The following MYOM1 variants were observed in gnomAD, a reference collection of about 807,000 sequenced individuals.
MYOM1 encodes myomesin 1.
A neutral mutation model predicts 205.3 loss-of-function variants in MYOM1; 164 were observed. The observed-to-expected ratio is 0.80, with a 90% CI of 0.70 to 0.91. MYOM1 has a LOEUF of 0.91. Among genes scored for constraint, MYOM1 ranks in the 40% least tolerant of loss-of-function variants. MYOM1 has a pLI of 0.00. For missense variants in MYOM1, 2,011 were observed against 2,127.3 expected (o/e 0.95, Z 1.08); for synonymous variants, 772 against 789.4 (o/e 0.98, Z 0.37).
intron 27 of MYOM1, among the ~76,000 whole-genome samples, 187 bp downstream of exon 27, chr18:3,090,471 C>T (rs1006167219): frequency 2.0e-5 from 3 of 152,086 alleles, no homozygotes; most frequent in African/African-American, 4.8e-5. Context: ...CCACCCGCCT[C>T]GGCCTCTCAA....
At chr18:3,138,845 GA>G (rs1461595365) in intron 14 of MYOM1, among the ~76,000 whole-genome samples, 1 of 152,212 alleles carries the variant, frequency 6.6e-6, no homozygotes, top group Non-Finnish European at 1.5e-5. Context: ...TGGGAAGATT[GA>G]AAGGTGGCCC....
chr18:3,223,933 TGGAGAGTG>T (rs2081341827), upstream of MYOM1, among the ~76,000 whole-genome samples: 2 of 152,092 alleles, frequency 1.3e-5, no homozygotes, highest in African/African-American at 4.8e-5. Flanking sequence ...TGCGAGTGGC[TGGAGAGTG>T]GGGCCTAGGA....
intron 10 of MYOM1, among the ~76,000 whole-genome samples, chr18:3,156,045 G>A (rs961381422): frequency 7.9e-5 from 12 of 152,168 alleles, no homozygotes; most frequent in Non-Finnish European, 1.5e-4. Flanking sequence ...CTGACCACAC[G>A]GCCCCTCAGG....
intron 10 of MYOM1, among the ~76,000 whole-genome samples, chr18:3,163,928 C>T (rs1260402284): frequency 6.6e-6 from 1 of 151,908 alleles, no homozygotes; most frequent in Non-Finnish European, 1.5e-5. Context: ...TCACAGCTCA[C>T]TGCAGCCTTG....
At chr18:3,213,158 T>G (rs1013278210) in intron 2 of MYOM1, among the ~76,000 whole-genome samples, 1 of 152,242 alleles carries the variant, frequency 6.6e-6, no homozygotes, top group African/African-American at 2.4e-5. Flanking sequence ...TTTCTGCCTT[T>G]GGAAGCATGC....
rs373705801 is a variant in MYOM1, at chr18:3,100,365, T to C, written c.3637A>G (p.Thr1213Ala). ...DDLGIYSCDV[T>A]DTDGIASSYL... ...CTTGATGCTATTCCATCAGTGTCTG[T>C]TACATCGCAAGAGTAAATACCCAAG... Residue 1213 changes from threonine to alanine, a missense_variant, in exon 24 of 38, where the codon ACA becomes GCA. Physicochemically the swap from Thr to Ala is moderately conservative, Grantham distance 58 (BLOSUM62 0). Transcript: ENST00000356443. 2.5e-6 allele frequency: 4 copies of C among 1,614,022 alleles called. No homozygotes were observed. The highest frequency in any genetic ancestry group is 3.4e-6 in the Non-Finnish European group (4 of 1,179,872).
chr18:3,237,989 G>A, the MYOM1 span, among the ~76,000 whole-genome samples: 5 of 152,104 alleles, frequency 3.3e-5, no homozygotes, highest in Non-Finnish European at 5.9e-5. Flanking sequence ...CAGGGGTGGC[G>A]GTCGGGGGGC....
Position 3,219,692 on chromosome 18 carries a change from C to G in MYOM1, c.-29+111G>C, listed in dbSNP as rs2081309485. 1 of 152,232 alleles carries G rather than the reference C, an allele frequency of 6.6e-6. No homozygotes were observed. Among genetic ancestry groups the G allele is most frequent in the African/African-American group, 2.4e-5 (1 of 41,446 alleles). 9.4% of individuals were successfully genotyped at this position (152,232 alleles called of 1,614,324 possible). On this transcript the variant is annotated intron_variant, in intron 1 of 37. Transcript: ENST00000356443. This position sits in a 1 kb window ranked among gnomAD's most constrained non-coding sequence, Gnocchi z 4.4. ...TCCTATTTCTCTGTTATTCTGACATCTCTTTGAGAAAACTGCTGAGTTCAG... is the reference window on the plus strand; with the variant it reads ...TCCTATTTCTCTGTTATTCTGACATGTCTTTGAGAAAACTGCTGAGTTCAG...
chr18:3,085,802 T>A (rs1036464144), intron 30 of MYOM1, among the ~76,000 whole-genome samples: 2 of 152,192 alleles, frequency 1.3e-5, no homozygotes, highest in African/African-American at 2.4e-5. Context: ...TGCCCATATA[T>A]GGATAAAAGC....
chr18:3,223,011 T>G (rs1200181840), upstream of MYOM1, among the ~76,000 whole-genome samples: 1 of 151,972 alleles, frequency 6.6e-6, no homozygotes, highest in African/African-American at 2.4e-5. Flanking sequence ...GCCTCCCGAG[T>G]AGGTGGGACT....
intron 20 of MYOM1, 81 bp from the exon 21 acceptor site, chr18:3,116,596 T>A: frequency 8.0e-7 from 1 of 1,251,414 alleles, no homozygotes; most frequent in South Asian, 1.8e-5. Flanking sequence ...TTGTAAGTCT[T>A]CAAGCTAATC....
intron 5 of MYOM1, among the ~76,000 whole-genome samples, chr18:3,178,466 G>C (rs1248197804): frequency 1.3e-5 from 2 of 152,178 alleles, no homozygotes; most frequent in African/African-American, 4.8e-5. Flanking sequence ...CAGACTTGTG[G>C]ACACGATCAT....
chr18:3,199,553 G>A lies in MYOM1; in HGVS notation c.291-5595C>T, dbSNP rs541424952. Among the ~76,000 whole-genome samples the A allele has an allele frequency of 8.1e-4, 124 of 152,274 alleles. 1 individual carries two copies. Among genetic ancestry groups the A allele is most frequent in the South Asian group, 4.8e-3 (23 of 4,826 alleles). The stretch of plus-strand genomic sequence containing the variant: ...AACCAGATTTACGTAAAAATTACCT[G>A]CACACCGGCTGGGCACGGTGGCTCA... On this transcript the variant is annotated intron_variant, in intron 2 of 37. Coordinates refer to ENST00000356443, the MANE Select transcript of MYOM1 (RefSeq NM_003803.4).
chr18:3,168,263 A>G (rs2080501143), intron 9 of MYOM1, among the ~76,000 whole-genome samples: 1 of 151,370 alleles, frequency 6.6e-6, no homozygotes, highest in African/African-American at 2.4e-5. Flanking sequence ...GAGGATGGGT[A>G]TTTTACCAAA....
intron 10 of MYOM1, among the ~76,000 whole-genome samples, chr18:3,156,597 G>T (rs937233663): frequency 1.1e-4 from 16 of 151,542 alleles, no homozygotes; most frequent in Admixed American, 8.5e-4. Flanking sequence ...TTGATGAGGA[G>T]ACACTTCTTT....
intron 34 of MYOM1, 53 bp from the exon 35 acceptor site, chr18:3,075,814 AC>A (rs1567891696): frequency 2.0e-6 from 3 of 1,478,212 alleles, no homozygotes; most frequent in Non-Finnish European, 2.8e-6. Context: ...TTGATGACAC[AC>A]AGGGGCGATT....
the MYOM1 span, among the ~76,000 whole-genome samples, chr18:3,235,502 T>C: frequency 2.0e-5 from 3 of 152,368 alleles, no homozygotes; most frequent in South Asian, 6.2e-4. Flanking sequence ...TAGAAGTCAC[T>C]GAGGACACAG....
chr18:3,227,264 AC>A, the MYOM1 span, among the ~76,000 whole-genome samples: 3 of 152,138 alleles, frequency 2.0e-5, no homozygotes, highest in Non-Finnish European at 4.4e-5. Flanking sequence ...GTATATACAT[AC>A]AATGGAATAT....
Position 3,179,498 on chromosome 18 carries a change from G to A in MYOM1, c.930-3364C>T, listed in dbSNP as rs146754969. Reference sequence around the variant, plus strand: ...TGCACACGAAGAAAGTAAGTTGACAGTCTCAGTTCCCTCAGATGTGAAATG... The same window carrying A: ...TGCACACGAAGAAAGTAAGTTGACAATCTCAGTTCCCTCAGATGTGAAATG... On this transcript the variant is annotated intron_variant, in intron 5 of 37. Transcript: ENST00000356443. The surrounding 1 kb of genome is among the most constrained non-coding windows in gnomAD (Gnocchi z 4.4). Among the ~76,000 whole-genome samples, 92 of 152,290 alleles carry A rather than the reference G, an allele frequency of 6.0e-4. 1 individual carries two copies. Among genetic ancestry groups the A allele is most frequent in the Middle Eastern group, 3.4e-3 (1 of 294 alleles).
Sources: gnomAD v4.1 joint callset for allele counts (sites outside exome capture counted in the v4.1 genomes callset) on GRCh38, gnomAD v4.1.1 for gene constraint, Gnocchi (gnomAD v3.1) non-coding constraint, MANE v1.5 for transcripts, NCBI Gene and HGNC (gene_info 2026-07-23, HGNC 2026-07-21) for gene names.